The following NCOR1 variants were observed in gnomAD, a reference collection of about 807,000 sequenced individuals.
The protein encoded by NCOR1 is nuclear receptor corepressor 1.
In NCOR1, 63 loss-of-function variants were observed where a neutral mutation model predicts 288.1. The ratio of observed to expected loss-of-function variants is 0.22; its 90% confidence interval spans 0.18 to 0.27. The LOEUF (loss-of-function observed/expected upper bound fraction) is 0.27. Among genes scored for constraint, NCOR1 ranks in the 10% least tolerant of loss-of-function variants. NCOR1 has a pLI of 1.00. For synonymous variants in NCOR1, 1,007 were observed against 1,065.9 expected (o/e 0.94, Z 1.08); for missense variants, 2,397 against 3,019.2 (o/e 0.79, Z 4.83).
Position 16,065,118 on chromosome 17 carries a change from T to C in NCOR1, c.4952-99A>G, listed in dbSNP as rs1046135496. 8.3e-6 allele frequency: 9 copies of C among 1,081,762 alleles called. No individual in the cohort carries two copies. The African/African-American group carries it at 1.4e-4, about 17-fold the overall frequency. 67.0% of individuals were successfully genotyped at this position (1,081,762 alleles called of 1,614,324 possible). On this transcript the variant is annotated intron_variant, in intron 33 of 45. Coordinates refer to ENST00000268712, the MANE Select transcript of NCOR1 (RefSeq NM_006311.4). ...GTCTATCTCTGTGAATCAAGGGTAA[T>C]TTGTACATAATATAAATAAAAATGT...
intron 23 of NCOR1, among the ~76,000 whole-genome samples, chr17:16,083,824 CA>C (rs1328685461): frequency 6.6e-6 from 1 of 151,890 alleles, no homozygotes; most frequent in Non-Finnish European, 1.5e-5. Flanking sequence ...TACATTTCTA[CA>C]GTTAAGTTGG....
chr17:16,049,028 C>T (rs774135975), intron 40 of NCOR1, 40 bp from the exon 41 acceptor site: 5 of 1,540,902 alleles, frequency 3.2e-6, no homozygotes, highest in Non-Finnish European at 4.4e-6. Flanking sequence ...GTTTCAAAGG[C>T]TAACCTGGGA....
chr17:16,102,369 G>A (rs1313749368), intron 19 of NCOR1, among the ~76,000 whole-genome samples: 7 of 151,820 alleles, frequency 4.6e-5, no homozygotes, highest in East Asian at 1.9e-4. Context: ...TGCAACCTCC[G>A]CCTCCTGGGT....
At chr17:16,152,142 ATTT>A (rs376983522) in intron 7 of NCOR1, 144 bp from the exon 8 acceptor site, 282 of 512,958 alleles carry the variant, frequency 5.5e-4, no homozygotes, top group African/African-American at 5.2e-3. Flanking sequence ...CCAAACTTTT[ATTT>A]TTTTATTTAC....
intron 14 of NCOR1, among the ~76,000 whole-genome samples, chr17:16,129,363 G>C (rs779250351): frequency 2.0e-5 from 3 of 152,156 alleles, no homozygotes; most frequent in Non-Finnish European, 4.4e-5. Flanking sequence ...TCACAGTCCA[G>C]TGAGAACTGT....
Position 16,032,521 on chromosome 17 carries a change from A to G in NCOR1, c.7136-38T>C, listed in dbSNP as rs774740686. 19 of 1,528,360 alleles carry G rather than the reference A, an allele frequency of 1.2e-5. No homozygotes were observed. The Admixed American group carries it at 3.4e-4, about 28-fold the overall frequency. 94.7% of individuals were successfully genotyped at this position (1,528,360 alleles called of 1,614,324 possible). A position where few individuals can be genotyped will look rare whatever the true frequency, so the allele number is the denominator to read the frequency against. On this transcript the variant is annotated intron_variant, in intron 45 of 45. Transcript: ENST00000268712. The stretch of plus-strand genomic sequence containing the variant: ...AAATTAGGTTTTCATTGTCATGAAC[A>G]TAACTGGTATTTCATCCAATCCAAC...
rs201746136 is a variant in NCOR1 at position 16,158,864 on chromosome 17, C to G, written c.628G>C (p.Glu210Gln). 19 of 1,613,184 alleles carry G rather than the reference C, an allele frequency of 1.2e-5. No individual in the cohort carries two copies. The Admixed American group carries it at 1.8e-4, about 16-fold the overall frequency. Reference protein sequence around the residue: ...LKLKKKQQQLEEEAAKPPEPE... With the variant: ...LKLKKKQQQLQEEAAKPPEPE... Reference sequence around the variant, plus strand: ...TCAGGAGGTTTAGCTGCCTCTTCTTCAAGCTGTTGCTAAGAGATCCAGAAA... The same window carrying G: ...TCAGGAGGTTTAGCTGCCTCTTCTTGAAGCTGTTGCTAAGAGATCCAGAAA... Residue 210 changes from glutamate (E) to glutamine (Q), a missense_variant, in exon 6 of 46, where the codon GAA becomes CAA. Glu to Gln is a conservative substitution (Grantham distance 29, BLOSUM62 2). Coordinates refer to ENST00000268712, the MANE Select transcript of NCOR1 (RefSeq NM_006311.4).
At chr17:16,052,568 T>C (rs1201224644) in intron 40 of NCOR1, among the ~76,000 whole-genome samples, 2 of 152,142 alleles carry the variant, frequency 1.3e-5, no homozygotes, top group Non-Finnish European at 2.9e-5. Flanking sequence ...ACTGATTCCC[T>C]GAACAGACCA....
chr17:16,189,087 A>T (rs190354303), intron 2 of NCOR1, among the ~76,000 whole-genome samples: 39 of 152,098 alleles, frequency 2.6e-4, no homozygotes, highest in South Asian at 4.2e-4. Flanking sequence ...AAAATAAAAA[A>T]AAATAACAAC....
rs79795671 is a variant in NCOR1, at chr17:16,083,534, T to C, written c.3177+2748A>G. ...TCCATTTCTACCTCAAATTGATCTA[T>C]AGATTTAATACAATCCCAACAAAAA... On this transcript the variant is annotated intron_variant, in intron 23 of 45. Transcript: ENST00000268712. Among the ~76,000 whole-genome samples the C allele has an allele frequency of 5.1e-3, 772 of 151,714 alleles. 8 individuals are homozygous for C. Among genetic ancestry groups the C allele is most frequent in the African/African-American group, 0.018 (727 of 41,438 alleles).
chr17:16,123,299 T>C (rs1289401810), intron 15 of NCOR1, among the ~76,000 whole-genome samples: 1 of 152,160 alleles, frequency 6.6e-6, no homozygotes, highest in African/African-American at 2.4e-5. Context: ...AATGCCAAGT[T>C]TTGGTTATTT....
intron 40 of NCOR1, among the ~76,000 whole-genome samples, chr17:16,055,425 C>G (rs2059804632): frequency 6.6e-6 from 1 of 152,140 alleles, no homozygotes; most frequent in South Asian, 2.1e-4. Context: ...AACGCAAGAA[C>G]AGAAAACCAA....
At chr17:16,164,416 C>T (rs1341036853) in intron 5 of NCOR1, among the ~76,000 whole-genome samples, 2 of 151,934 alleles carry the variant, frequency 1.3e-5, no homozygotes, top group African/African-American at 4.8e-5. Flanking sequence ...ATAGACAAAA[C>T]GCTTGAACAA....
At chr17:16,166,341 C>T (rs199579633) in intron 4 of NCOR1, among the ~76,000 whole-genome samples, 1 of 152,064 alleles carries the variant, frequency 6.6e-6, no homozygotes, top group African/African-American at 2.4e-5. Flanking sequence ...GATGTAAATC[C>T]TTGAGGTCAT....
chr17:16,163,777 A>G (rs1324382774), intron 5 of NCOR1, among the ~76,000 whole-genome samples: 2 of 152,246 alleles, frequency 1.3e-5, no homozygotes, highest in Non-Finnish European at 2.9e-5. Context: ...TAATGAATGG[A>G]TAAACAAAAC....
chr17:16,092,654 T>C (rs1452371894), intron 21 of NCOR1, among the ~76,000 whole-genome samples: 3 of 10,056 alleles, frequency 3.0e-4, no homozygotes, highest in African/African-American at 4.9e-4. Context: ...CATTTATATA[T>C]ATATATATAT....
At chr17:16,168,192 G>T (rs1274296712) in intron 4 of NCOR1, among the ~76,000 whole-genome samples, 2 of 151,964 alleles carry the variant, frequency 1.3e-5, no homozygotes, top group Non-Finnish European at 2.9e-5. Context: ...AAAAGAAGTG[G>T]ATACCTTTAT....
At chr17:16,175,301 G>A (rs187722095) in intron 3 of NCOR1, among the ~76,000 whole-genome samples, 125 of 151,630 alleles carry the variant, frequency 8.2e-4, no homozygotes, top group African/African-American at 3.0e-3. Flanking sequence ...CCAGGCAGAG[G>A]TTGCAGTGAG....
At chr17:16,121,881 C>T (rs1160357709) in intron 15 of NCOR1, among the ~76,000 whole-genome samples, 2 of 152,184 alleles carry the variant, frequency 1.3e-5, no homozygotes, top group Non-Finnish European at 2.9e-5. Flanking sequence ...GTTTGTACCA[C>T]AGTTGTGATT....
Sources: gnomAD v4.1 joint callset for allele counts (sites outside exome capture counted in the v4.1 genomes callset) on GRCh38, gnomAD v4.1.1 for gene constraint, MANE v1.5 for transcripts, NCBI Gene and HGNC (gene_info 2026-07-23, HGNC 2026-07-21) for gene names.